Variants in ARMH4 observed in about 807,000 individuals in gnomAD.
The protein encoded by ARMH4 is armadillo-like helical domain-containing protein 4.
A neutral mutation model predicts 61.9 loss-of-function variants in ARMH4; 49 were observed. That is an observed-to-expected ratio of 0.79 (90% CI 0.63 to 1.00). The LOEUF is 1.00. Ranked by LOEUF, ARMH4 falls within the 50% of genes least tolerant of loss-of-function variation. The probability of loss-of-function intolerance (pLI) is 0.00; values close to 1 mark genes in which losing one functional copy is unlikely to be tolerated. For missense variants in ARMH4, 934 were observed against 930.0 expected, an observed-to-expected ratio of 1.00 and a Z score of -0.06; for synonymous variants, 368 against 341.5, an observed-to-expected ratio of 1.08 and a Z score of -0.85.
chr14:58,133,249 T>A lies in ARMH4; in HGVS notation c.1462A>T (p.Ile488Phe). The A allele has an allele frequency of 6.2e-7, 1 of 1,614,180 alleles. No homozygotes were observed. Among genetic ancestry groups the A allele is most frequent in the South Asian group, 1.1e-5 (1 of 91,082 alleles). ...TCCTCAGTCTTGCCACTGTCTCTGATAAGCTCGAGGGTAGCAACCTGCTCT... is the reference window on the plus strand; with the variant it reads ...TCCTCAGTCTTGCCACTGTCTCTGAAAAGCTCGAGGGTAGCAACCTGCTCT... ...TQEQVATLEL[I>F]RDSGKTEEEK... is the part of the protein sequence containing the mutation. Residue 488 changes from isoleucine to phenylalanine, a missense_variant, in exon 3 of 8, where the codon ATC becomes TTC. Physicochemically the swap from Ile to Phe is conservative, Grantham distance 21. Transcript: ENST00000267485.
chr14:58,021,055 G>C (rs1882808902), intron 5 of ARMH4, among the ~76,000 whole-genome samples: 1 of 152,196 alleles, frequency 6.6e-6, no homozygotes, highest in African/African-American at 2.4e-5. Flanking sequence ...AGGCTGTCAG[G>C]CAGGAGGAAT....
intron 1 of ARMH4, among the ~76,000 whole-genome samples, chr14:58,140,229 C>G (rs1234443077): frequency 6.9e-6 from 1 of 144,312 alleles, no homozygotes; most frequent in Admixed American, 7.1e-5. Context: ...GAGCTGAGAT[C>G]GTGCCATTGC....
chr14:58,085,352 TTTC>T (rs1188595609), intron 5 of ARMH4, among the ~76,000 whole-genome samples: 1 of 150,634 alleles, frequency 6.6e-6, no homozygotes, highest in Non-Finnish European at 1.5e-5. Context: ...TTTCCTAGTG[TTTC>T]TTCTTGTTTA....
At chr14:58,081,461 G>A (rs1416641092) in intron 5 of ARMH4, among the ~76,000 whole-genome samples, 2 of 151,940 alleles carry the variant, frequency 1.3e-5, no homozygotes, top group African/African-American at 4.8e-5. Flanking sequence ...CTTGTATGAG[G>A]CTACTAAGTA....
At chr14:58,081,087 G>A (rs1885210088) in intron 5 of ARMH4, among the ~76,000 whole-genome samples, 1 of 139,996 alleles carries the variant, frequency 7.1e-6, no homozygotes, top group Non-Finnish European at 1.6e-5. Flanking sequence ...GGGACACAGA[G>A]CAAGACTCTG....
intron 5 of ARMH4, 50 bp from the exon 6 acceptor site, chr14:58,012,200 A>G (rs1402438629): frequency 9.2e-7 from 1 of 1,085,842 alleles, no homozygotes; most frequent in Non-Finnish European, 1.3e-6. Flanking sequence ...TTTACTTATA[A>G]TTCATGGCAT....
chr14:58,138,017 C>A lies in ARMH4; in HGVS notation c.1342G>T (p.Asp448Tyr). ...VSVSVYESEADQLLGNTMKDI... is the reference protein window; with the variant it reads ...VSVSVYESEAYQLLGNTMKDI... The stretch of plus-strand genomic sequence containing the variant: ...TTCATTGTATTTCCCAACAGTTGGT[C>A]TGCCTCAGACTCATATACAGAGACA... The change falls in exon 2 of 8, where the codon GAC becomes TAC. Residue 448 changes from aspartate to tyrosine, a missense_variant. Physicochemically the swap from Asp to Tyr is radical, Grantham distance 160. Transcript: ENST00000267485. The A allele has an allele frequency of 6.2e-7, 1 of 1,608,898 alleles. No homozygotes were observed. The highest frequency in any genetic ancestry group is 1.1e-5 in the South Asian group (1 of 89,976).
At chr14:58,032,372 G>A (rs2141166997) in intron 5 of ARMH4, among the ~76,000 whole-genome samples, 1 of 152,240 alleles carries the variant, frequency 6.6e-6, no homozygotes, top group South Asian at 2.1e-4. Context: ...AAATAATGTA[G>A]TCTTCCTGAA....
At chr14:58,136,358 C>T (rs1466526719) in intron 2 of ARMH4, among the ~76,000 whole-genome samples, 2 of 152,102 alleles carry the variant, frequency 1.3e-5, no homozygotes. Context: ...TGACTTAATG[C>T]TCCAAAAGTA....
chr14:58,078,332 C>A (rs1885113971), intron 5 of ARMH4, among the ~76,000 whole-genome samples: 1 of 152,204 alleles, frequency 6.6e-6, no homozygotes, highest in Non-Finnish European at 1.5e-5. Flanking sequence ...GTCATCACTT[C>A]TTTTTCTTTC....
At chr14:58,140,547 C>T (rs1887503483) in intron 1 of ARMH4, among the ~76,000 whole-genome samples, 1 of 151,544 alleles carries the variant, frequency 6.6e-6, no homozygotes, top group Non-Finnish European at 1.5e-5. Flanking sequence ...TGCCACTGCA[C>T]TCCAGCCTGG....
chr14:58,040,144 C>T (rs1239056385), intron 5 of ARMH4, among the ~76,000 whole-genome samples: 1 of 152,082 alleles, frequency 6.6e-6, no homozygotes, highest in Non-Finnish European at 1.5e-5. Context: ...AAATTGGGTT[C>T]TTAGCACCCT....
intron 4 of ARMH4, among the ~76,000 whole-genome samples, chr14:58,112,840 T>C (rs1275321160): frequency 1.3e-5 from 2 of 152,174 alleles, no homozygotes; most frequent in Non-Finnish European, 2.9e-5. Flanking sequence ...AAGTCTGCTC[T>C]CAGTCTAAAT....
At chr14:58,120,527 T>C (rs546152851) in intron 4 of ARMH4, among the ~76,000 whole-genome samples, 5 of 152,262 alleles carry the variant, frequency 3.3e-5, no homozygotes, top group African/African-American at 1.2e-4. Context: ...AGTCAAACTC[T>C]GTAAAATATT....
chr14:58,030,218 T>C lies in ARMH4; in HGVS notation c.2090-18068A>G, dbSNP rs1258973566. ...GTAGAACTCATATTCCATTCACCCA[T>C]ACTTCACCCATCCTGCCTCAGTGCC... On this transcript the variant is annotated intron_variant, in intron 5 of 7. Coordinates refer to ENST00000267485, the MANE Select transcript of ARMH4 (RefSeq NM_001001872.4). Among the ~76,000 whole-genome samples, 7 of 152,288 alleles carry C rather than the reference T, an allele frequency of 4.6e-5. 1 individual carries two copies. In the Middle Eastern group the frequency reaches 0.01, roughly 222 times the overall value.
chr14:58,106,547 TG>T (rs1470730422), intron 4 of ARMH4, among the ~76,000 whole-genome samples: 1 of 152,186 alleles, frequency 6.6e-6, no homozygotes, highest in African/African-American at 2.4e-5. Context: ...AATAGAGAAA[TG>T]TCCTGTTGCA....
chr14:58,024,767 T>C (rs1033922962), intron 5 of ARMH4, among the ~76,000 whole-genome samples: 1 of 152,170 alleles, frequency 6.6e-6, no homozygotes, highest in African/African-American at 2.4e-5. Context: ...GGGCTTTTAA[T>C]TGCATTAATT....
At chr14:58,061,965 C>T (rs1439113112) in intron 5 of ARMH4, among the ~76,000 whole-genome samples, 1 of 143,618 alleles carries the variant, frequency 7.0e-6, no homozygotes, top group South Asian at 2.3e-4. Context: ...TCAGATTTAC[C>T]CATTTTATCT....
chr14:58,119,840 T>C (rs932244280), intron 4 of ARMH4, among the ~76,000 whole-genome samples: 2 of 152,218 alleles, frequency 1.3e-5, no homozygotes, highest in African/African-American at 4.8e-5. Context: ...ACTTGGTTGA[T>C]TGCACGGCTA....
Sources: gnomAD v4.1 joint callset for allele counts (sites outside exome capture counted in the v4.1 genomes callset) on GRCh38, gnomAD v4.1.1 for gene constraint, MANE v1.5 for transcripts, NCBI Gene and HGNC (gene_info 2026-07-23, HGNC 2026-07-21) for gene names.